RUFY3: variants seen among roughly 807,000 people sequenced by gnomAD.
RUFY3 encodes the protein RUN and FYVE domain containing 3, also known as protein RUFY3.
Under a neutral mutation model 84.0 loss-of-function variants are expected in RUFY3, and 34 were observed. The ratio of observed to expected loss-of-function variants is 0.40; its 90% CI spans 0.31 to 0.54. RUFY3 has a LOEUF of 0.54. RUFY3 is among the 20% of genes least tolerant of loss of function. The pLI is 0.39. For missense variants in RUFY3, 507 were observed against 736.8 expected, an observed-to-expected ratio of 0.69 and a Z score of 3.61; for synonymous variants, 242 against 252.9, an observed-to-expected ratio of 0.96 and a Z score of 0.41.
chr4:70,744,594 A>G (rs1233686688), intron 1 of RUFY3, among the ~76,000 whole-genome samples: 1 of 151,762 alleles, frequency 6.6e-6, no homozygotes, highest in East Asian at 1.9e-4. Context: ...GCAGATTTGA[A>G]CTGGTCGTTG....
chr4:70,791,123 CTT>C (rs1730747448), intron 12 of RUFY3: 2 of 837,404 alleles, frequency 2.4e-6, no homozygotes, highest in Non-Finnish European at 3.8e-6. Flanking sequence ...TGACTTATCT[CTT>C]TGAGTATTAA....
chr4:70,767,257 G>GTTT (rs1213309164), intron 4 of RUFY3, among the ~76,000 whole-genome samples: 6 of 68,976 alleles, frequency 8.7e-5, no homozygotes, highest in African/African-American at 2.9e-4. Context: ...GGCTAATTTT[G>GTTT]TATTTTTTTT....
intron 3 of RUFY3, among the ~76,000 whole-genome samples, chr4:70,764,195 TTATTGA>T (rs1434243003): frequency 1.3e-5 from 2 of 152,360 alleles, no homozygotes; most frequent in East Asian, 3.9e-4. Flanking sequence ...GGATTTGCTA[TTATTGA>T]TCTGATGGAA....
chr4:70,727,842 C>T (rs1289286405), intron 1 of RUFY3, among the ~76,000 whole-genome samples: 2 of 151,040 alleles, frequency 1.3e-5, no homozygotes, highest in Non-Finnish European at 2.9e-5. Context: ...GTTATGTATA[C>T]GCATGTCCAC....
chr4:70,714,061 A>T (rs1741300693), intron 1 of RUFY3, among the ~76,000 whole-genome samples: 1 of 152,174 alleles, frequency 6.6e-6, no homozygotes, highest in Non-Finnish European at 1.5e-5. Context: ...GGTTAATATT[A>T]TTATCCCCAT....
intron 1 of RUFY3, among the ~76,000 whole-genome samples, chr4:70,716,300 A>G (rs1741605241): frequency 6.6e-6 from 1 of 151,602 alleles, no homozygotes; most frequent in Non-Finnish European, 1.5e-5. Context: ...CACGTACCAC[A>G]TTGCCTGGCT....
At chr4:70,708,106 G>A (rs902307813) in intron 1 of RUFY3, among the ~76,000 whole-genome samples, 1 of 152,184 alleles carries the variant, frequency 6.6e-6, no homozygotes, top group Non-Finnish European at 1.5e-5. Context: ...CTGAGCAACA[G>A]AACGAAACCC....
At chr4:70,804,915 ACT>A (rs1260746960) in intron 17 of RUFY3, among the ~76,000 whole-genome samples, 1 of 152,308 alleles carries the variant, frequency 6.6e-6, no homozygotes, top group Non-Finnish European at 1.5e-5. Context: ...ACAGAGCGAG[ACT>A]CTGTCTAAAA....
chr4:70,770,479 T>C (rs1433078696), intron 5 of RUFY3, among the ~76,000 whole-genome samples: 3 of 152,244 alleles, frequency 2.0e-5, no homozygotes, highest in African/African-American at 7.2e-5. Flanking sequence ...TTTTATGTTA[T>C]GGAGACACTT....
intron 7 of RUFY3, among the ~76,000 whole-genome samples, chr4:70,776,618 C>CA (rs1174159823): frequency 2.6e-5 from 4 of 151,710 alleles, no homozygotes; most frequent in Non-Finnish European, 5.9e-5. Context: ...ACTAAAAATA[C>CA]AAAAAAAATT....
rs564262651 is a variant in RUFY3 at position 70,793,903 on chromosome 4, C to T, written c.1456C>T (p.Arg486Trp). The T allele has an allele frequency of 8.7e-6, 14 of 1,613,698 alleles. No individual in the cohort carries two copies. Among genetic ancestry groups the T allele is most frequent in the Admixed American group, 3.3e-5 (2 of 59,974 alleles). Reference protein sequence around the residue: ...QLEVEELTRQRNQLELELKQE... With the variant: ...QLEVEELTRQWNQLELELKQE... ...GGAAGTCGAGGAGCTCACCAGGCAG[C>T]GGTGAAGAGGGGGTAGCTTGAGCTG... The change falls in exon 13 of 18, where the codon CGG (arginine) becomes TGG (tryptophan). Residue 486 changes from arginine to tryptophan, a missense_variant and splice_region_variant. Transcript: ENST00000381006.
rs201645745 is a variant in RUFY3, at chr4:70,793,801, C to T, written c.1354C>T (p.Arg452Ter). The change falls in exon 13 of 18, where the codon CGA becomes TGA. Residue 452 changes from arginine to a stop codon, truncating the protein, a stop_gained. Transcript: ENST00000381006. LOFTEE classifies it high-confidence loss of function. ...CACATCCAGATTGCGCCAGGCTGAGCGAAGCCGCCAATCTGCTGAGTTGGA... is the reference window on the plus strand; with the variant it reads ...CACATCCAGATTGCGCCAGGCTGAGTGAAGCCGCCAATCTGCTGAGTTGGA... ...QLEQRLRQAE[R>*]SRQSAELDNR... 36 of 1,613,970 alleles carry T rather than the reference C, an allele frequency of 2.2e-5. No homozygotes were observed. The highest frequency in any genetic ancestry group is 4.0e-5 in the African/African-American group (3 of 75,026).
At chr4:70,771,571 A>G (rs1399208536) in intron 5 of RUFY3, among the ~76,000 whole-genome samples, 1 of 152,180 alleles carries the variant, frequency 6.6e-6, no homozygotes, top group Non-Finnish European at 1.5e-5. Flanking sequence ...TCTCACTGTC[A>G]TCCAGGCCGG....
At chr4:70,762,839 A>G (rs892802529) in intron 2 of RUFY3, 147 bp downstream of exon 2, 2 of 705,478 alleles carry the variant, frequency 2.8e-6, no homozygotes, top group Non-Finnish European at 4.6e-6. Context: ...TTATAGGAGC[A>G]GGGTTATGGT....
chr4:70,805,683 G>A (rs1732762478), intron 17 of RUFY3, among the ~76,000 whole-genome samples: 1 of 152,094 alleles, frequency 6.6e-6, no homozygotes, highest in African/African-American at 2.4e-5. Context: ...GTTAATTCTG[G>A]CTTTCCTCTT....
At chr4:70,710,347 CTT>C (rs1740832797) in intron 1 of RUFY3, among the ~76,000 whole-genome samples, 1 of 152,158 alleles carries the variant, frequency 6.6e-6, no homozygotes, top group Non-Finnish European at 1.5e-5. Context: ...TATTGTCTCT[CTT>C]CTTTTTTAAT....
chr4:70,719,264 T>C (rs1315402429), upstream of RUFY3, among the ~76,000 whole-genome samples: 2 of 152,206 alleles, frequency 1.3e-5, no homozygotes, highest in South Asian at 4.1e-4. Flanking sequence ...CCAAAAACTT[T>C]AGTTGTTTTG....
chr4:70,806,769 A>ACTC lies in RUFY3; in HGVS notation c.*110_*111insCTC. ...GTTCTTAGAGTCAACTAAAGAGTTG[A>ACTC]TAGGAATTTACTAGGTCCAGGGAGA... On this transcript the variant is annotated 3_prime_UTR_variant, in exon 18 of 18. Coordinates refer to ENST00000381006, the MANE Select transcript of RUFY3 (RefSeq NM_001037442.4). 7.3e-7 allele frequency: 1 copy of ACTC among 1,365,646 alleles called. No individual in the cohort carries two copies. The highest frequency in any genetic ancestry group is 1.0e-6 in the Non-Finnish European group (1 of 998,874). 84.6% of individuals were successfully genotyped at this position (1,365,646 alleles called of 1,614,324 possible).
intron 1 of RUFY3, among the ~76,000 whole-genome samples, chr4:70,726,183 G>C (rs1718198174): frequency 6.6e-6 from 1 of 152,116 alleles, no homozygotes; most frequent in African/African-American, 2.4e-5. Context: ...AAAGCAGAAT[G>C]TACCCGATGA....
Sources: gnomAD v4.1 joint callset for allele counts (sites outside exome capture counted in the v4.1 genomes callset) on GRCh38, gnomAD v4.1.1 for gene constraint, MANE v1.5 for transcripts, NCBI Gene and HGNC (gene_info 2026-07-23, HGNC 2026-07-21) for gene names.